Variants in BLK observed in about 807,000 individuals in gnomAD.
BLK encodes tyrosine-protein kinase Blk.
In BLK, 64 loss-of-function variants were observed where a neutral mutation model predicts 61.8. The observed-to-expected ratio is 1.03, with a 90% CI of 0.85 to 1.27. BLK has a LOEUF of 1.27. Among genes scored for constraint, BLK ranks in the 50% most tolerant of loss-of-function variants. The probability of loss-of-function intolerance (pLI) is 0.00; values close to 1 mark genes in which losing one functional copy is unlikely to be tolerated. For missense variants in BLK, 853 were observed against 660.5 expected (o/e 1.29, Z -3.19); for synonymous variants, 351 against 272.0 (o/e 1.29, Z -2.86).
At chr8:11,559,402 CACACAG>C (rs1801379282) in intron 10 of BLK, among the ~76,000 whole-genome samples, 1 of 151,600 alleles carries the variant, frequency 6.6e-6, no homozygotes, top group Non-Finnish European at 1.5e-5. Context: ...GACAGACACA[CACACAG>C]ACACACAGAC....
chr8:11,517,918 A>AT (rs1799290425), intron 1 of BLK, among the ~76,000 whole-genome samples: 1 of 152,148 alleles, frequency 6.6e-6, no homozygotes, highest in South Asian at 2.1e-4. Flanking sequence ...TTCCCATAGC[A>AT]TTGAGGGCAC....
At chr8:11,546,154 T>A in intron 3 of BLK, 51 bp downstream of exon 3, 1 of 1,601,040 alleles carries the variant, frequency 6.2e-7, no homozygotes, top group Non-Finnish European at 8.6e-7. Context: ...CTCCCCTAGG[T>A]GGCAGCTTTG....
rs776438085 is a variant in BLK at position 11,563,947 on chromosome 8, C to A, written c.1357C>A (p.Arg453Ser). Residue 453 changes from arginine (R) to serine (S), a missense_variant, in exon 13 of 13, where the codon CGC becomes AGC. Arg to Ser is a moderately radical substitution (Grantham distance 110, BLOSUM62 -1). Coordinates refer to ENST00000259089, the MANE Select transcript of BLK (RefSeq NM_001715.3). The stretch of plus-strand genomic sequence containing the variant: ...CATCCGCAACCTGGAGCGCGGCTAC[C>A]GCATGCCGCGCCCCGACACCTGCCC... Reference protein sequence around the residue: ...EVIRNLERGYRMPRPDTCPPE... With the variant: ...EVIRNLERGYSMPRPDTCPPE... The A allele has an allele frequency of 3.1e-6, 5 of 1,607,310 alleles. No homozygotes were observed. The South Asian group carries it at 3.3e-5, about 11-fold the overall frequency.
intron 1 of BLK, among the ~76,000 whole-genome samples, chr8:11,533,505 G>A (rs941656496): frequency 2.0e-5 from 3 of 151,954 alleles, no homozygotes; most frequent in African/African-American, 4.8e-5. Context: ...GTGAACCTCC[G>A]TGGGAAAGAC....
At chr8:11,549,951 A>G (rs1800823401) in intron 5 of BLK, 7 of 628,450 alleles carry the variant, frequency 1.1e-5, no homozygotes, top group African/African-American at 1.8e-5. Flanking sequence ...CAGTGAGTCC[A>G]GGGCTGACAG....
intron 1 of BLK, among the ~76,000 whole-genome samples, chr8:11,497,893 T>C (rs1481993831): frequency 2.6e-5 from 4 of 152,188 alleles, no homozygotes; most frequent in African/African-American, 9.6e-5. Flanking sequence ...AGTCTGGCTC[T>C]GCACCTGCCA....
At chr8:11,561,561 G>C (rs1348344567) in intron 11 of BLK, 109 bp downstream of exon 11, 1 of 1,395,466 alleles carries the variant, frequency 7.2e-7, no homozygotes, top group African/African-American at 1.4e-5. Context: ...ACACCTGAGG[G>C]CTATACGGTT....
intron 1 of BLK, among the ~76,000 whole-genome samples, chr8:11,512,355 A>T (rs770662047): frequency 1.3e-5 from 2 of 152,200 alleles, no homozygotes; most frequent in African/African-American, 2.4e-5. Flanking sequence ...AGCCAATATC[A>T]TTATAAGCAC....
intron 6 of BLK, among the ~76,000 whole-genome samples, chr8:11,551,122 T>C (rs540599126): frequency 1.5e-3 from 232 of 152,298 alleles, no homozygotes; most frequent in Non-Finnish European, 2.0e-3. Flanking sequence ...CAGCTTGATG[T>C]AGATAGAATC....
At chr8:11,562,896 A>T in intron 11 of BLK, 83 bp from the exon 12 acceptor site, 1 of 1,590,138 alleles carries the variant, frequency 6.3e-7, no homozygotes. Flanking sequence ...ATGGAAGGAC[A>T]GCAGGAGCAG....
rs938972229 is a variant in BLK, at chr8:11,564,414, A to G, written c.*306A>G. 1.6e-6 allele frequency: 1 copy of G among 616,840 alleles called. No homozygotes were observed. The allele number at this position is 616,840 out of a possible 1,614,324, so 38.2% of individuals were successfully genotyped here. ...CAGGACTGGTAAGCGACTGTCATCA[A>G]GTAAGGCCCCCGTGCTGGGCACCCC... On this transcript the variant is annotated 3_prime_UTR_variant, in exon 13 of 13. Coordinates refer to ENST00000259089, the MANE Select transcript of BLK (RefSeq NM_001715.3).
chr8:11,512,301 T>C (rs894827713), intron 1 of BLK, among the ~76,000 whole-genome samples: 1 of 152,186 alleles, frequency 6.6e-6, no homozygotes, highest in African/African-American at 2.4e-5. Flanking sequence ...GTGTTGTTTG[T>C]TTAGCTCTTT....
intron 1 of BLK, among the ~76,000 whole-genome samples, chr8:11,508,447 C>G (rs1798866914): frequency 6.6e-6 from 1 of 152,214 alleles, no homozygotes; most frequent in Non-Finnish European, 1.5e-5. Flanking sequence ...AGACATGGCC[C>G]CATGGCGAAG....
chr8:11,516,987 G>A (rs528035254), intron 1 of BLK, among the ~76,000 whole-genome samples: 6 of 152,286 alleles, frequency 3.9e-5, no homozygotes, highest in Non-Finnish European at 5.9e-5. Context: ...TTAATTTGTC[G>A]AGGAGACTCC....
At chr8:11,495,447 C>A (rs1798329040) in intron 1 of BLK, among the ~76,000 whole-genome samples, 1 of 152,292 alleles carries the variant, frequency 6.6e-6, no homozygotes, top group South Asian at 2.1e-4. Context: ...AGAGGAGAAA[C>A]CTGCAGATGC....
intron 1 of BLK, among the ~76,000 whole-genome samples, chr8:11,526,189 T>C (rs1219997198): frequency 6.6e-6 from 1 of 152,240 alleles, no homozygotes; most frequent in Non-Finnish European, 1.5e-5. Context: ...TCATGCTGTC[T>C]CTTTTCTTAC....
intron 1 of BLK, among the ~76,000 whole-genome samples, chr8:11,523,359 G>T (rs1585352417): frequency 6.6e-6 from 1 of 152,124 alleles, no homozygotes; most frequent in Non-Finnish European, 1.5e-5. Flanking sequence ...TTTGAGTACA[G>T]CATGGCGAAC....
chr8:11,520,519 A>C (rs1350404412), intron 1 of BLK, among the ~76,000 whole-genome samples: 4 of 151,172 alleles, frequency 2.6e-5, no homozygotes, highest in Non-Finnish European at 5.9e-5. Flanking sequence ...AAGAAAAAGA[A>C]AGAAAAGAAA....
chr8:11,547,928 G>A lies in BLK; in HGVS notation c.176-104G>A, dbSNP rs6994605. The A allele has an allele frequency of 0.97, 957,638 of 991,444 alleles. 464,506 individuals carry two copies. Among genetic ancestry groups the A allele is most frequent in the East Asian group, 1 (41,534 of 41,540 alleles). The allele number at this position is 991,444 out of a possible 1,614,324, so 61.4% of individuals were successfully genotyped here. Reference sequence around the variant, plus strand: ...GCTGGGTGAGAACATCATTTCCATCGTGGGCAAGCAGAAGCCTGTCCTCCT... The same window carrying A: ...GCTGGGTGAGAACATCATTTCCATCATGGGCAAGCAGAAGCCTGTCCTCCT... On this transcript the variant is annotated intron_variant, in intron 3 of 12. Transcript: ENST00000259089.
Sources: allele counts gnomAD v4.1 joint callset (sites outside exome capture counted in the v4.1 genomes callset), GRCh38; gene constraint gnomAD v4.1.1; transcripts MANE v1.5; gene names NCBI Gene and HGNC (gene_info 2026-07-23, HGNC 2026-07-21).